SUPT20H: variants seen among roughly 807,000 people sequenced by gnomAD.
The protein encoded by SUPT20H is SPT20 homolog, SAGA complex component, also known as transcription factor SPT20 homolog.
In SUPT20H, 82 loss-of-function variants were observed where a neutral mutation model predicts 122.8. That is an observed-to-expected ratio of 0.67 (90% CI 0.56 to 0.80). The LOEUF is 0.80. SUPT20H is among the 30% of genes least tolerant of loss of function. SUPT20H has a pLI of 0.00. For synonymous variants in SUPT20H, 291 were observed against 313.0 expected (o/e 0.93, Z 0.74); for missense variants, 831 against 921.6 (o/e 0.90, Z 1.27).
rs144411889 is a variant in SUPT20H at position 37,019,438 on chromosome 13, T to A, written c.1817-41A>T. The A allele has an allele frequency of 7.1e-4, 995 of 1,407,176 alleles. 9 individuals are homozygous for A. In the African/African-American group the frequency reaches 0.013, roughly 18 times the overall value. The allele number at this position is 1,407,176 out of a possible 1,614,324, so 87.2% of individuals were successfully genotyped here. On this transcript the variant is annotated intron_variant, in intron 21 of 25. Coordinates refer to ENST00000350612, the MANE Select transcript of SUPT20H (RefSeq NM_001014286.3). ...CATGGTTATAACAGAATTGAAAGTT[T>A]ATTACACATGAAAATAATTTATACT...
chr13:37,044,231 A>G (rs577677580), intron 6 of SUPT20H, 50 bp from the exon 7 acceptor site: 1 of 1,455,020 alleles, frequency 6.9e-7, no homozygotes, highest in South Asian at 1.3e-5. Flanking sequence ...CTGAAAGCTT[A>G]GCTGTATAAT....
rs9566173 is a variant in SUPT20H, at chr13:37,009,820, G to A, written c.2203-11C>T. ...CAAGAATCGCAACTGCTGCAAAAGG[G>A]AGGGAAAAAAATCGAGTTATGTTAA... On this transcript the variant is annotated splice_polypyrimidine_tract_variant and intron_variant, in intron 25 of 25. Transcript: ENST00000350612. 4.2e-3 allele frequency: 6,667 copies of A among 1,601,472 alleles called. 159 individuals are homozygous for A. In the East Asian group the frequency reaches 0.065, roughly 16 times the overall value.
intron 9 of SUPT20H, among the ~76,000 whole-genome samples, chr13:37,034,150 CTT>C (rs2063917690): frequency 6.6e-6 from 1 of 152,118 alleles, no homozygotes; most frequent in Non-Finnish European, 1.5e-5. Context: ...AAAATGGCCT[CTT>C]AGTGTTCAAC....
chr13:37,035,177 G>A (rs1464131986), intron 9 of SUPT20H, among the ~76,000 whole-genome samples: 1 of 152,154 alleles, frequency 6.6e-6, no homozygotes, highest in Admixed American at 6.5e-5. Context: ...AATGTATTTT[G>A]TAAGGCTTTA....
chr13:37,053,765 C>A (rs1163264171), intron 1 of SUPT20H, among the ~76,000 whole-genome samples: 1 of 151,838 alleles, frequency 6.6e-6, no homozygotes. Context: ...AAACCTCACT[C>A]CTTGGGTACA....
At chr13:37,025,237 T>C in intron 17 of SUPT20H, 83 bp downstream of exon 17, 1 of 1,216,332 alleles carries the variant, frequency 8.2e-7, no homozygotes, top group Non-Finnish European at 1.2e-6. Context: ...CCACTGTGCC[T>C]AGCCTCCAAA....
chr13:37,036,316 C>G (rs1376334894), intron 9 of SUPT20H, among the ~76,000 whole-genome samples: 1 of 123,592 alleles, frequency 8.1e-6, no homozygotes, highest in Admixed American at 9.7e-5. Context: ...TGCAGGTCCA[C>G]TTAAACTGGA....
chr13:37,024,410 T>A lies in SUPT20H; in HGVS notation c.1362A>T (p.Val454=). 1 of 1,580,580 alleles carries A rather than the reference T, an allele frequency of 6.3e-7. No homozygotes were observed. Among genetic ancestry groups the A allele is most frequent in the Non-Finnish European group, 8.6e-7 (1 of 1,166,878 alleles). The change falls in exon 18 of 26, where the codon GTA becomes GTT. Residue 454 remains valine (V), a synonymous_variant. Coordinates refer to ENST00000350612, the MANE Select transcript of SUPT20H (RefSeq NM_001014286.3). ...QTETVSVQSS[V]LGKGVKHRPP... The stretch of plus-strand genomic sequence containing the variant: ...GTCGATGTTTTACACCCTTCCCCAA[T>A]ACCGAAGACTGAACTGACACGGTTT...
Position 37,031,722 on chromosome 13 carries a change from A to G in SUPT20H, c.864+17T>C. On this transcript the variant is annotated intron_variant, in intron 11 of 25. Transcript: ENST00000350612. Reference sequence around the variant, plus strand: ...CTTTTGGGCATAATAAGCTTCATTTAAAATATATATACTTACATTTCCTGC... The same window carrying G: ...CTTTTGGGCATAATAAGCTTCATTTGAAATATATATACTTACATTTCCTGC... 1 of 1,566,240 alleles carries G rather than the reference A, an allele frequency of 6.4e-7. No homozygotes were observed. Among genetic ancestry groups the G allele is most frequent in the Admixed American group, 2.1e-5 (1 of 48,570 alleles).
At chr13:37,042,421 G>C (rs956407646) in intron 7 of SUPT20H, among the ~76,000 whole-genome samples, 9 of 152,106 alleles carry the variant, frequency 5.9e-5, no homozygotes, top group African/African-American at 2.2e-4. Context: ...CATTCAGGGA[G>C]AATATTACTA....
At chr13:37,028,401 T>C in intron 13 of SUPT20H, 96 bp from the exon 14 acceptor site, 2 of 1,158,724 alleles carry the variant, frequency 1.7e-6, no homozygotes, top group East Asian at 5.0e-5. Context: ...GTAACATGTA[T>C]CTGACGATAG....
chr13:37,045,329 T>C lies in SUPT20H; in HGVS notation c.210A>G (p.Gln70=), dbSNP rs749624385. The change falls in exon 6 of 26, where the codon CAA becomes CAG. Residue 70 remains glutamine (Q), a synonymous_variant. Coordinates refer to ENST00000350612, the MANE Select transcript of SUPT20H (RefSeq NM_001014286.3). The stretch of plus-strand genomic sequence containing the variant: ...TGACCACTAAACATGACAAAGTCTC[T>C]TGCATAACAAGCTTCTCTAACAAGT... The part of the protein sequence containing the change: ...NVNLLEKLVM[Q]ETLSCLVVNL... 4.3e-6 allele frequency: 7 copies of C among 1,613,544 alleles called. No individual in the cohort carries two copies. The highest frequency in any genetic ancestry group is 2.2e-5 in the East Asian group (1 of 44,856).
intron 9 of SUPT20H, 60 bp downstream of exon 9, chr13:37,040,345 T>C (rs2065249724): frequency 6.5e-6 from 9 of 1,392,058 alleles, no homozygotes; most frequent in Non-Finnish European, 8.8e-6. Context: ...TTTTGCTTAA[T>C]GATAATTTTT....
At chr13:37,037,401 T>C (rs906881772) in intron 9 of SUPT20H, among the ~76,000 whole-genome samples, 6 of 152,188 alleles carry the variant, frequency 3.9e-5, no homozygotes, top group African/African-American at 1.4e-4. Context: ...TGACTTGCTT[T>C]ATTGCAGTAT....
chr13:37,031,830 G>A lies in SUPT20H; in HGVS notation c.773C>T (p.Pro258Leu). Reference sequence around the variant, plus strand: ...GAAATCAAGTAACCTCAGCTGAGGAGGAGGTGGACAATGAGATAGATCTTG... The same window carrying A: ...GAAATCAAGTAACCTCAGCTGAGGAAGAGGTGGACAATGAGATAGATCTTG... ...RQQDLSHCPPPPQLRLLDFLQ... is the reference protein window; with the variant it reads ...RQQDLSHCPPLPQLRLLDFLQ... The change falls in exon 11 of 26, where the codon CCT becomes CTT. Residue 258 changes from proline (P) to leucine (L), a missense_variant. Pro to Leu is a moderately conservative substitution (Grantham distance 98, BLOSUM62 -3). Transcript: ENST00000350612. 1 of 1,610,938 alleles carries A rather than the reference G, an allele frequency of 6.2e-7. No homozygotes were observed. The highest frequency in any genetic ancestry group is 1.7e-5 in the Admixed American group (1 of 59,484).
At chr13:37,053,912 G>A (rs991614336) in intron 1 of SUPT20H, among the ~76,000 whole-genome samples, 8 of 151,882 alleles carry the variant, frequency 5.3e-5, no homozygotes, top group East Asian at 1.9e-4. Flanking sequence ...TCAAATAGAC[G>A]CAATAAAAAA....
In SUPT20H at chr13:37,028,246, C is replaced by T; in HGVS notation, c.1053G>A (p.Lys351=). The change falls in exon 14 of 26, where the codon AAG becomes AAA. Residue 351 remains lysine, a synonymous_variant. Coordinates refer to ENST00000350612, the MANE Select transcript of SUPT20H (RefSeq NM_001014286.3). ...CEAGTQYQKT[K]LTILQSLGDP... ...CTCCAAGCGACTGCAAGATGGTCAG[C>T]TTTGTTTTCTGATACTGAGTACCAG... is the stretch of plus-strand genomic sequence containing the variant. 2 of 1,613,348 alleles carry T rather than the reference C, an allele frequency of 1.2e-6. No homozygotes were observed. The highest frequency in any genetic ancestry group is 2.2e-5 in the South Asian group (2 of 91,010).
At position 37,009,450 on chromosome 13, in the gene SUPT20H, G is replaced by GA; in HGVS notation, c.*221dup. The GA allele has an allele frequency of 1.4e-6, 1 of 738,976 alleles. No individual in the cohort carries two copies. Among genetic ancestry groups the GA allele is most frequent in the Non-Finnish European group, 2.2e-6 (1 of 450,346 alleles). The allele number at this position is 738,976 out of a possible 1,614,324, so 45.8% of individuals were successfully genotyped here. ...CACTTCCATATATATTATGTATAGT[G>GA]AAACCATTTTTAAAAAGCAATGACT... On this transcript the variant is annotated 3_prime_UTR_variant, in exon 26 of 26. Coordinates refer to ENST00000350612, the MANE Select transcript of SUPT20H (RefSeq NM_001014286.3).
chr13:37,028,520 T>G (rs1290190899), intron 13 of SUPT20H, among the ~76,000 whole-genome samples: 2 of 152,166 alleles, frequency 1.3e-5, no homozygotes, highest in Non-Finnish European at 1.5e-5. Context: ...ATGCATTTAG[T>G]AAAGCATTAA....
Sources: allele counts gnomAD v4.1 joint callset (sites outside exome capture counted in the v4.1 genomes callset), GRCh38; gene constraint gnomAD v4.1.1; transcripts MANE v1.5; gene names NCBI Gene and HGNC (gene_info 2026-07-23, HGNC 2026-07-21).